SNAP91: variants seen among roughly 807,000 people sequenced by gnomAD.
The protein encoded by SNAP91 is synaptosome associated protein 91.
Under a neutral mutation model 100.3 loss-of-function variants are expected in SNAP91, and 27 were observed. The ratio of observed to expected loss-of-function variants is 0.27; its 90% CI spans 0.20 to 0.37. SNAP91 has a LOEUF of 0.37. Among genes scored for constraint, SNAP91 ranks in the 10% least tolerant of loss-of-function variants. The pLI, the probability that SNAP91 is intolerant of heterozygous loss-of-function variation, is 1.00. For missense variants in SNAP91, 986 were observed against 1,123.7 expected (o/e 0.88, Z 1.75); for synonymous variants, 404 against 398.6 (o/e 1.01, Z -0.16).
chr6:83,580,709 C>A, intron 23 of SNAP91, 110 bp from the exon 24 acceptor site: 1 of 1,075,982 alleles, frequency 9.3e-7, no homozygotes. Flanking sequence ...AATATAAAAT[C>A]TTATAAAAGA....
At chr6:83,583,265 A>G (rs1831003650) in intron 22 of SNAP91, among the ~76,000 whole-genome samples, 1 of 152,002 alleles carries the variant, frequency 6.6e-6, no homozygotes, top group African/African-American at 2.4e-5. Context: ...CTCTCATTAC[A>G]TGTATCTATC....
intron 26 of SNAP91, among the ~76,000 whole-genome samples, chr6:83,569,538 T>C (rs993671164): frequency 6.6e-6 from 1 of 152,194 alleles, no homozygotes; most frequent in Non-Finnish European, 1.5e-5. Flanking sequence ...GTTCTTCAAC[T>C]TAATATTACT....
chr6:83,570,955 C>G (rs560769397), intron 26 of SNAP91, among the ~76,000 whole-genome samples: 15 of 152,206 alleles, frequency 9.9e-5, no homozygotes, highest in African/African-American at 3.4e-4. Flanking sequence ...CCACTGTCCT[C>G]CAGACCCCAG....
At chr6:83,681,016 G>A (rs1389096452) in intron 2 of SNAP91, among the ~76,000 whole-genome samples, 1 of 152,016 alleles carries the variant, frequency 6.6e-6, no homozygotes, top group African/African-American at 2.4e-5. Flanking sequence ...TGTGCATAGT[G>A]CTTACAATTA....
chr6:83,691,471 T>C (rs1447355815), intron 2 of SNAP91, among the ~76,000 whole-genome samples: 1 of 152,158 alleles, frequency 6.6e-6, no homozygotes, highest in Non-Finnish European at 1.5e-5. Context: ...TATATCGAGA[T>C]TCACCACAAC....
Position 83,708,860 on chromosome 6 carries a change from CGCCGCCCGCCGCAGGATGAGCGGA to C in SNAP91, c.-70_-47del, listed in dbSNP as rs1256966167. 3.9e-5 allele frequency: 6 copies of C among 152,112 alleles called. No homozygotes were observed. The highest frequency in any genetic ancestry group is 8.8e-5 in the Non-Finnish European group (6 of 67,956). The allele number at this position is 152,112 out of a possible 1,614,324, so 9.4% of individuals were successfully genotyped here. ...GGGTACTCACCCCGCCCCTGAGCGG[CGCCGCCCGCCGCAGGATGAGCGGA>C]GCCCGGGCCGCCGAGGGAAGCCGCG... is the stretch of plus-strand genomic sequence containing the variant. On this transcript the variant is annotated 5_prime_UTR_variant, in exon 1 of 30. Coordinates refer to ENST00000369694, the MANE Select transcript of SNAP91 (RefSeq NM_001242792.2).
intron 7 of SNAP91, among the ~76,000 whole-genome samples, chr6:83,654,652 A>G (rs1190961273): frequency 6.6e-6 from 1 of 152,216 alleles, no homozygotes; most frequent in Non-Finnish European, 1.5e-5. Context: ...CTTCAAAACT[A>G]GCAGAATCCA....
chr6:83,614,995 T>C, intron 10 of SNAP91, 133 bp from the exon 11 acceptor site: 1 of 545,172 alleles, frequency 1.8e-6, no homozygotes, highest in Non-Finnish European at 3.0e-6. Context: ...AAGAGAAATA[T>C]GACAAGCATA....
chr6:83,667,510 G>A (rs977028643), intron 2 of SNAP91, among the ~76,000 whole-genome samples: 2 of 151,304 alleles, frequency 1.3e-5, no homozygotes, highest in African/African-American at 4.9e-5. Flanking sequence ...GCTTTTTTTT[G>A]AGAACTATCA....
intron 14 of SNAP91, among the ~76,000 whole-genome samples, chr6:83,602,095 T>C (rs2095288114): frequency 6.6e-6 from 1 of 152,190 alleles, no homozygotes; most frequent in Non-Finnish European, 1.5e-5. Flanking sequence ...TATTTGTGCT[T>C]CTGCAACATG....
chr6:83,679,589 A>G (rs917224781), intron 2 of SNAP91, among the ~76,000 whole-genome samples: 1 of 152,156 alleles, frequency 6.6e-6, no homozygotes, highest in Non-Finnish European at 1.5e-5. Context: ...GAGATCCTTG[A>G]CCAGGCCAAC....
chr6:83,686,256 C>A lies in SNAP91; in HGVS notation c.131-20675G>T, dbSNP rs572348772. On this transcript the variant is annotated intron_variant, in intron 2 of 29. Transcript: ENST00000369694. ...ACATACGAAATTAGATGAACCCTCACAGGTAATAGTTGGTTACTCAGTTAA... is the reference window on the plus strand; with the variant it reads ...ACATACGAAATTAGATGAACCCTCAAAGGTAATAGTTGGTTACTCAGTTAA... The A allele has an allele frequency of 4.4e-6, 4 of 915,822 alleles. No homozygotes were observed. In the African/African-American group the frequency reaches 5.4e-5, roughly 12 times the overall value. 56.7% of individuals were successfully genotyped at this position (915,822 alleles called of 1,614,324 possible). A position where few individuals can be genotyped will look rare whatever the true frequency, so the allele number is the denominator to read the frequency against.
chr6:83,610,619 C>T lies in SNAP91; in HGVS notation c.912+31G>A, dbSNP rs550881260. The T allele has an allele frequency of 8.5e-6, 5 of 591,652 alleles. No individual in the cohort carries two copies. In the Admixed American group the frequency reaches 1.2e-4, roughly 14 times the overall value. The allele number at this position is 591,652 out of a possible 1,614,324, so 36.7% of individuals were successfully genotyped here. On this transcript the variant is annotated intron_variant, in intron 12 of 29. Transcript: ENST00000369694. ...TGGTAAAATGGTAAAAAACAAAAAA[C>T]AAAAACCCCCAAACAAAAAACCAAA...
rs777838825 is a variant in SNAP91 at position 83,661,585 on chromosome 6, G to A, written c.369C>T (p.Phe123=). Residue 123 remains phenylalanine, a synonymous_variant, in exon 5 of 30, where the codon TTC becomes TTT. Coordinates refer to ENST00000369694, the MANE Select transcript of SNAP91 (RefSeq NM_001242792.2). The part of the protein sequence containing the change: ...SGSHGYDMST[F]IRRYSRYLNE... ...TCAAATATCTACTATAGCGCCTTATGAAGGTAGACATATCATAACCTGGGA... is the reference window on the plus strand; with the variant it reads ...TCAAATATCTACTATAGCGCCTTATAAAGGTAGACATATCATAACCTGGGA... The A allele has an allele frequency of 6.3e-7, 1 of 1,598,622 alleles. No homozygotes were observed. The highest frequency in any genetic ancestry group is 8.5e-7 in the Non-Finnish European group (1 of 1,170,734).
chr6:83,642,551 A>G (rs1024285938), intron 7 of SNAP91, among the ~76,000 whole-genome samples: 2 of 152,184 alleles, frequency 1.3e-5, no homozygotes, highest in South Asian at 2.1e-4. Flanking sequence ...AGTATTCCAC[A>G]GTGTATATGT....
At chr6:83,605,071 C>A (rs907471814) in intron 14 of SNAP91, among the ~76,000 whole-genome samples, 4 of 151,884 alleles carry the variant, frequency 2.6e-5, no homozygotes, top group African/African-American at 9.7e-5. Flanking sequence ...TGTTTTAAAT[C>A]AAATATTTAT....
intron 16 of SNAP91, among the ~76,000 whole-genome samples, chr6:83,599,254 C>A (rs1365688994): frequency 6.6e-6 from 1 of 151,818 alleles, no homozygotes; most frequent in African/African-American, 2.4e-5. Context: ...TTCTAGAGGG[C>A]TATGCAGGAA....
chr6:83,630,858 G>C (rs1046505298), intron 8 of SNAP91, among the ~76,000 whole-genome samples: 1 of 151,388 alleles, frequency 6.6e-6, no homozygotes, highest in Non-Finnish European at 1.5e-5. Flanking sequence ...TCTGGATCTT[G>C]GTTATTTCCT....
At chr6:83,580,642 A>G in intron 23 of SNAP91, 43 bp from the exon 24 acceptor site, 1 of 1,522,652 alleles carries the variant, frequency 6.6e-7, no homozygotes, top group Non-Finnish European at 8.9e-7. Flanking sequence ...TGAAAACAAA[A>G]AAAGATCATA....
Sources: gnomAD v4.1 joint callset for allele counts (sites outside exome capture counted in the v4.1 genomes callset) on GRCh38, gnomAD v4.1.1 for gene constraint, MANE v1.5 for transcripts, NCBI Gene and HGNC (gene_info 2026-07-23, HGNC 2026-07-21) for gene names.